The following BST1 variants were observed in gnomAD, a reference collection of about 807,000 sequenced individuals.
BST1 encodes bone marrow stromal cell antigen 1, also known as ADP-ribosyl cyclase/cyclic ADP-ribose hydrolase 2.
In BST1, 49 loss-of-function variants were observed where a neutral mutation model predicts 40.6. The observed-to-expected ratio is 1.21, with a 90% confidence interval of 0.96 to 1.53. The LOEUF (loss-of-function observed/expected upper bound fraction) is 1.53, where lower values mean the gene tolerates loss of function less well. Ranked by LOEUF, BST1 falls within the 40% of genes most tolerant of loss-of-function variation. BST1 has a pLI of 0.00. For synonymous variants in BST1, 157 were observed against 159.3 expected (o/e 0.99, Z 0.11); for missense variants, 423 against 395.9 (o/e 1.07, Z -0.58).
At chr4:15,726,413 A>C (rs1721117063) in intron 8 of BST1, among the ~76,000 whole-genome samples, 1 of 152,230 alleles carries the variant, frequency 6.6e-6, no homozygotes, top group African/African-American at 2.4e-5. Flanking sequence ...ACGATGTTCA[A>C]AGGTGCTGGG....
chr4:15,760,182 TA>T, the BST1 span, among the ~76,000 whole-genome samples: 2 of 152,008 alleles, frequency 1.3e-5, no homozygotes, highest in African/African-American at 4.8e-5. Context: ...AATTATACAA[TA>T]TGTTACTTCT....
downstream of BST1, among the ~76,000 whole-genome samples, chr4:15,741,357 T>C (rs1217562647): frequency 1.3e-5 from 2 of 152,050 alleles, no homozygotes; most frequent in African/African-American, 2.4e-5. Flanking sequence ...CCTATTATTA[T>C]AGAAGTGCTT....
intron 8 of BST1, 59 bp from the exon 9 acceptor site, chr4:15,731,681 T>G: frequency 1.3e-6 from 2 of 1,548,430 alleles, no homozygotes; most frequent in Non-Finnish European, 1.8e-6. Flanking sequence ...CATATATTTT[T>G]GAGCGTAGAT....
the BST1 span, among the ~76,000 whole-genome samples, chr4:15,768,709 G>T: frequency 6.6e-6 from 1 of 151,358 alleles, no homozygotes; most frequent in African/African-American, 2.4e-5. Context: ...CGTTAGCCAG[G>T]ATGGTCTCGA....
At chr4:15,745,229 G>C in the BST1 span, among the ~76,000 whole-genome samples, 1 of 152,070 alleles carries the variant, frequency 6.6e-6, no homozygotes, top group Non-Finnish European at 1.5e-5. Context: ...ACTGTTTACT[G>C]TATCATATAA....
intron 1 of BST1, 51 bp from the exon 2 acceptor site, chr4:15,705,464 C>T: frequency 6.6e-7 from 1 of 1,518,820 alleles, no homozygotes; most frequent in Non-Finnish European, 8.8e-7. Flanking sequence ...TACTTCACAA[C>T]ACATTATGAT....
intron 8 of BST1, among the ~76,000 whole-genome samples, chr4:15,724,915 T>G (rs957301909): frequency 3.3e-5 from 5 of 152,194 alleles, no homozygotes; most frequent in African/African-American, 1.2e-4. Context: ...AGGAAGGGAC[T>G]TACATTCCCT....
chr4:15,751,132 G>C, the BST1 span, among the ~76,000 whole-genome samples: 2 of 152,178 alleles, frequency 1.3e-5, no homozygotes, highest in Admixed American at 6.5e-5. Flanking sequence ...GAGCAGGGGT[G>C]GTGCATGGAG....
the BST1 span, among the ~76,000 whole-genome samples, chr4:15,745,206 T>A: frequency 1.3e-5 from 2 of 152,158 alleles, no homozygotes; most frequent in African/African-American, 4.8e-5. Flanking sequence ...AGGTGTCACA[T>A]TAAGAAAGTA....
At chr4:15,736,712 T>C (rs533187681), downstream of BST1, among the ~76,000 whole-genome samples, 4 of 152,318 alleles carry the variant, frequency 2.6e-5, no homozygotes, top group East Asian at 5.8e-4. Flanking sequence ...TCCATGAACC[T>C]TCTCTCAGTT....
intron 8 of BST1, 142 bp from the exon 9 acceptor site, chr4:15,731,598 C>T (rs935004344): frequency 6.7e-6 from 8 of 1,188,596 alleles, no homozygotes; most frequent in Admixed American, 6.0e-5. Context: ...CCGCCTCCTA[C>T]GGGGTGTCAC....
rs758989090 is a variant in BST1 at position 15,703,270 on chromosome 4, C to A, written c.126C>A (p.His42Gln). Residue 42 changes from histidine (H) to glutamine (Q), a missense_variant, in exon 1 of 9, where the codon CAC (histidine) becomes CAA (glutamine). Physicochemically the swap from His to Gln is conservative, Grantham distance 24. Coordinates refer to ENST00000265016, the MANE Select transcript of BST1 (RefSeq NM_004334.3). The part of the protein sequence containing the change: ...ARWRGEGTSA[H>Q]LRDIFLGRCA... ...GGCGCGGGGAGGGCACCAGCGCACA[C>A]TTGCGGGACATCTTCCTGGGCCGCT... 1.3e-6 allele frequency: 2 copies of A among 1,538,772 alleles called. No individual in the cohort carries two copies. Among genetic ancestry groups the A allele is most frequent in the Admixed American group, 2.0e-5 (1 of 50,380 alleles).
chr4:15,724,608 C>T (rs1720999845), intron 8 of BST1, among the ~76,000 whole-genome samples: 1 of 152,202 alleles, frequency 6.6e-6, no homozygotes, highest in South Asian at 2.1e-4. Flanking sequence ...ATCACTTGAA[C>T]CCAGTAGGCA....
the BST1 span, among the ~76,000 whole-genome samples, chr4:15,769,264 G>A: frequency 1.3e-5 from 2 of 152,242 alleles, no homozygotes; most frequent in Admixed American, 1.3e-4. Flanking sequence ...AACTGTGGGA[G>A]AAGGAGCTGC....
At chr4:15,765,865 G>C in the BST1 span, among the ~76,000 whole-genome samples, 1 of 151,948 alleles carries the variant, frequency 6.6e-6, no homozygotes, top group Non-Finnish European at 1.5e-5. Flanking sequence ...CCTCGCATGT[G>C]CTATGGTTTA....
At chr4:15,705,925 A>G (rs1719858438) in intron 2 of BST1, among the ~76,000 whole-genome samples, 2 of 152,232 alleles carry the variant, frequency 1.3e-5, no homozygotes, top group African/African-American at 2.4e-5. Context: ...AAGAATGGCA[A>G]CATCTACTTC....
At position 15,707,462 on chromosome 4, in the gene BST1, C is replaced by T. The variant is rs764025973; in HGVS notation, c.316-49C>T. 14 of 1,611,846 alleles carry T rather than the reference C, an allele frequency of 8.7e-6. No individual in the cohort carries two copies. In the South Asian group the frequency reaches 9.9e-5, roughly 11 times the overall value. On this transcript the variant is annotated intron_variant, in intron 2 of 8. Coordinates refer to ENST00000265016, the MANE Select transcript of BST1 (RefSeq NM_004334.3). ...CTTGATGATATTGTGCCTGAGGAGT[C>T]GGTTTTGATTCTGTTTTGTATTTTG...
At chr4:15,741,496 C>T (rs1160157089), downstream of BST1, among the ~76,000 whole-genome samples, 1 of 152,148 alleles carries the variant, frequency 6.6e-6, no homozygotes, top group Non-Finnish European at 1.5e-5. Flanking sequence ...ATCTCCAAAC[C>T]TCCAAGGGGC....
At chr4:15,761,254 A>G in the BST1 span, among the ~76,000 whole-genome samples, 1 of 151,796 alleles carries the variant, frequency 6.6e-6, no homozygotes, top group Non-Finnish European at 1.5e-5. Context: ...CCATGGGCAT[A>G]TAGTTTTGTA....
Sources: allele counts gnomAD v4.1 joint callset (sites outside exome capture counted in the v4.1 genomes callset), GRCh38; gene constraint gnomAD v4.1.1; transcripts MANE v1.5; gene names NCBI Gene and HGNC (gene_info 2026-07-23, HGNC 2026-07-21).